Variants in RANBP2 observed in about 807,000 individuals in gnomAD.
RANBP2 encodes the protein E3 SUMO-protein ligase RanBP2.
A neutral mutation model predicts 303.6 loss-of-function variants in RANBP2; 57 were observed. The observed-to-expected ratio is 0.19, with a 90% CI of 0.15 to 0.23. The LOEUF is 0.23. RANBP2 is among the 10% of genes least tolerant of loss of function. The probability of loss-of-function intolerance (pLI) is 1.00; values close to 1 mark genes in which losing one functional copy is unlikely to be tolerated. For synonymous variants in RANBP2, 1,167 were observed against 1,301.5 expected, an observed-to-expected ratio of 0.90 and a Z score of 2.23; for missense variants, 3,138 against 3,780.8, an observed-to-expected ratio of 0.83 and a Z score of 4.46.
the RANBP2 span, among the ~76,000 whole-genome samples, chr2:109,255,988 T>G: frequency 6.6e-6 from 1 of 152,204 alleles, no homozygotes; most frequent in Non-Finnish European, 1.5e-5. Flanking sequence ...CTGAGGAAGA[T>G]TCCCTGTGTG....
the RANBP2 span, among the ~76,000 whole-genome samples, chr2:108,873,744 T>G: frequency 6.6e-6 from 1 of 152,182 alleles, no homozygotes; most frequent in African/African-American, 2.4e-5. Context: ...TAACGATAGC[T>G]GATGTGCTAA....
the RANBP2 span, among the ~76,000 whole-genome samples, chr2:109,606,100 G>C: frequency 6.6e-6 from 1 of 152,212 alleles, no homozygotes; most frequent in Non-Finnish European, 1.5e-5. Context: ...ACAGTACTCA[G>C]CTCATGGGCT....
chr2:109,331,243 C>A, the RANBP2 span, among the ~76,000 whole-genome samples: 2 of 152,138 alleles, frequency 1.3e-5, no homozygotes, highest in African/African-American at 4.8e-5. Context: ...TGTACAGACC[C>A]CCACCCGCCT....
chr2:108,798,572 C>T, the RANBP2 span: 5 of 1,607,890 alleles, frequency 3.1e-6, no homozygotes, highest in African/African-American at 1.3e-5. Flanking sequence ...TACAAGATTT[C>T]AAATTATAAA....
chr2:108,956,941 A>C, the RANBP2 span, among the ~76,000 whole-genome samples: 2 of 151,996 alleles, frequency 1.3e-5, no homozygotes, highest in African/African-American at 2.4e-5. Flanking sequence ...GGCACCTACC[A>C]CCACGCCCCG....
the RANBP2 span, among the ~76,000 whole-genome samples, chr2:108,844,028 A>T: frequency 6.8e-6 from 1 of 147,716 alleles, no homozygotes. Context: ...TACCTGGTTA[A>T]TTTTTTTTTG....
At chr2:109,038,887 C>G in the RANBP2 span, among the ~76,000 whole-genome samples, 3 of 152,228 alleles carry the variant, frequency 2.0e-5, no homozygotes, top group African/African-American at 7.2e-5. Flanking sequence ...GTAGTGGTAT[C>G]TCTTTGTAGT....
chr2:109,389,662 AGTTTT>A, the RANBP2 span, among the ~76,000 whole-genome samples: 1 of 152,234 alleles, frequency 6.6e-6, no homozygotes, highest in Admixed American at 6.5e-5. Context: ...TTAACTTGTT[AGTTTT>A]AATTTCTATT....
At chr2:109,545,165 T>C in the RANBP2 span, 2 of 985,254 alleles carry the variant, frequency 2.0e-6, no homozygotes, top group African/African-American at 1.7e-5. Flanking sequence ...GCAACGCTGC[T>C]AGCACAGAGG....
At chr2:109,291,395 G>T in the RANBP2 span, among the ~76,000 whole-genome samples, 2 of 151,976 alleles carry the variant, frequency 1.3e-5, no homozygotes, top group South Asian at 4.1e-4. Context: ...CAAACAGTGA[G>T]TGGGGATTAT....
the RANBP2 span, among the ~76,000 whole-genome samples, chr2:109,255,731 G>T: frequency 6.6e-6 from 1 of 152,190 alleles, no homozygotes; most frequent in Non-Finnish European, 1.5e-5. Flanking sequence ...TTTCCGATAA[G>T]CTACTTCTAG....
At chr2:108,929,565 C>T in the RANBP2 span, among the ~76,000 whole-genome samples, 2 of 152,234 alleles carry the variant, frequency 1.3e-5, no homozygotes, top group African/African-American at 4.8e-5. Flanking sequence ...GGGCTTGCCC[C>T]TCTCCTCGCC....
At chr2:109,102,611 G>C in the RANBP2 span, among the ~76,000 whole-genome samples, 1 of 152,072 alleles carries the variant, frequency 6.6e-6, no homozygotes, top group Non-Finnish European at 1.5e-5. Flanking sequence ...TCGGTAGTTA[G>C]GAATAATAAT....
the RANBP2 span, chr2:108,929,097 C>T: frequency 7.3e-7 from 1 of 1,374,654 alleles, no homozygotes; most frequent in South Asian, 1.2e-5. Context: ...GCACCGAGGC[C>T]TGCAGTATCC....
chr2:109,537,952 CACACACACACAT>C, the RANBP2 span, among the ~76,000 whole-genome samples: 1 of 151,836 alleles, frequency 6.6e-6, no homozygotes, highest in Non-Finnish European at 1.5e-5. Context: ...TGTCTCAAAA[CACACACACACAT>C]ACACACACAC....
the RANBP2 span, chr2:109,432,549 G>A: frequency 6.2e-7 from 1 of 1,613,708 alleles, no homozygotes; most frequent in Non-Finnish European, 8.5e-7. Context: ...ACGAGCTGGA[G>A]CTGCACAAGG....
chr2:108,992,966 G>T, the RANBP2 span, among the ~76,000 whole-genome samples: 23 of 145,378 alleles, frequency 1.6e-4, no homozygotes, highest in East Asian at 4.4e-3. Context: ...TATCATCTCA[G>T]AGCACCCGCT....
chr2:109,497,893 C>T, the RANBP2 span, among the ~76,000 whole-genome samples: 2 of 152,222 alleles, frequency 1.3e-5, no homozygotes, highest in African/African-American at 2.4e-5. Flanking sequence ...AATCATCTCG[C>T]CCTTTGCCTT....
the RANBP2 span, among the ~76,000 whole-genome samples, chr2:109,713,212 G>T: frequency 6.6e-6 from 1 of 152,144 alleles, no homozygotes; most frequent in Non-Finnish European, 1.5e-5. Flanking sequence ...GAGGAGAGAT[G>T]GTGAACTGCA....
Sources: allele counts gnomAD v4.1 joint callset (sites outside exome capture counted in the v4.1 genomes callset), GRCh38; gene constraint gnomAD v4.1.1; transcripts MANE v1.5; gene names NCBI Gene and HGNC (gene_info 2026-07-23, HGNC 2026-07-21).